The following NOL4 variants were observed in gnomAD, a reference collection of about 807,000 sequenced individuals.
NOL4 encodes nucleolar protein 4, also known as cancer/testis antigen 125.
NOL4 carries 17 observed loss-of-function variants against 75.9 expected under a neutral mutation model. The ratio of observed to expected loss-of-function variants is 0.22; its 90% CI spans 0.15 to 0.34. The LOEUF (loss-of-function observed/expected upper bound fraction) is 0.34. Among genes scored for constraint, NOL4 ranks in the 10% least tolerant of loss-of-function variants. The pLI is 1.00. For synonymous variants in NOL4, 292 were observed against 289.9 expected, an observed-to-expected ratio of 1.01 and a Z score of -0.07; for missense variants, 614 against 793.5, an observed-to-expected ratio of 0.77 and a Z score of 2.72.
intron 4 of NOL4, among the ~76,000 whole-genome samples, chr18:34,095,647 T>C (rs775902936): frequency 2.0e-5 from 3 of 152,132 alleles, no homozygotes; most frequent in Non-Finnish European, 4.4e-5. Context: ...ATTTAAAGTA[T>C]CTAGAACAAT....
At chr18:33,976,217 C>A (rs966962568) in intron 6 of NOL4, among the ~76,000 whole-genome samples, 5 of 152,134 alleles carry the variant, frequency 3.3e-5, no homozygotes, top group Non-Finnish European at 7.4e-5. Flanking sequence ...GACCGTCTCA[C>A]AGCACACAAG....
chr18:33,981,708 A>G (rs1353471589), intron 6 of NOL4, among the ~76,000 whole-genome samples: 1 of 152,156 alleles, frequency 6.6e-6, no homozygotes, highest in Non-Finnish European at 1.5e-5. Context: ...ATTGAAGGAA[A>G]TAATATAGGT....
chr18:34,130,276 G>A (rs1352878610), intron 1 of NOL4, among the ~76,000 whole-genome samples: 1 of 151,844 alleles, frequency 6.6e-6, no homozygotes, highest in Non-Finnish European at 1.5e-5. Context: ...CATCTTTTAA[G>A]TTTTTATAAT....
At chr18:33,942,845 G>T (rs948566552) in intron 9 of NOL4, among the ~76,000 whole-genome samples, 1 of 151,830 alleles carries the variant, frequency 6.6e-6, no homozygotes, top group African/African-American at 2.4e-5. Flanking sequence ...CGTTAGTTTT[G>T]CTACTGTTCA....
intron 10 of NOL4, among the ~76,000 whole-genome samples, chr18:33,865,419 C>G (rs1259580093): frequency 6.6e-6 from 1 of 151,720 alleles, no homozygotes; most frequent in Non-Finnish European, 1.5e-5. Flanking sequence ...CGATTTTTTT[C>G]CAGTATTTTT....
In NOL4 at chr18:33,879,992, T is replaced by A. The variant is rs148015446; in HGVS notation, c.1723+3252A>T. 1.5e-3 allele frequency among the ~76,000 whole-genome samples: 228 copies of A among 152,240 alleles called. 1 individual carries two copies. Among genetic ancestry groups the A allele is most frequent in the African/African-American group, 5.2e-3 (218 of 41,572 alleles). ...TGAGCTAGTCATGATAGTACCTTTT[T>A]AACCACAGTCTTGTTAAAAAAATTC... On this transcript the variant is annotated intron_variant, in intron 10 of 10. Transcript: ENST00000261592.
At chr18:33,949,459 G>C (rs751985499) in intron 8 of NOL4, among the ~76,000 whole-genome samples, 2 of 152,048 alleles carry the variant, frequency 1.3e-5, no homozygotes, top group African/African-American at 2.4e-5. Context: ...ATTGATCTTG[G>C]GTTGTGAGTT....
intron 5 of NOL4, among the ~76,000 whole-genome samples, chr18:34,052,825 A>G (rs1388211280): frequency 6.6e-6 from 1 of 152,058 alleles, no homozygotes; most frequent in Admixed American, 6.6e-5. Context: ...GAAATCATAT[A>G]ACAAGCATGT....
chr18:33,946,311 A>G (rs373615572), intron 8 of NOL4, among the ~76,000 whole-genome samples: 7 of 151,732 alleles, frequency 4.6e-5, no homozygotes, highest in East Asian at 1.9e-4. Flanking sequence ...TCTAACTCTT[A>G]TTGAGTGCTT....
chr18:34,108,413 T>A (rs1020115259), intron 2 of NOL4, among the ~76,000 whole-genome samples: 23 of 149,720 alleles, frequency 1.5e-4, no homozygotes, highest in African/African-American at 5.4e-4. Context: ...TAAATGAATT[T>A]AAAAAAAAAA....
intron 1 of NOL4, among the ~76,000 whole-genome samples, chr18:34,185,291 G>C (rs1276367918): frequency 6.6e-6 from 1 of 152,102 alleles, no homozygotes; most frequent in Non-Finnish European, 1.5e-5. Flanking sequence ...AGAAATAAAA[G>C]ACCATGGATT....
At chr18:33,931,228 T>C (rs887245488) in intron 9 of NOL4, among the ~76,000 whole-genome samples, 7 of 152,168 alleles carry the variant, frequency 4.6e-5, no homozygotes, top group African/African-American at 1.7e-4. Context: ...TTTAGGATTC[T>C]TAGTCCTCTT....
chr18:33,890,626 T>G (rs1228398094), intron 9 of NOL4, among the ~76,000 whole-genome samples: 1 of 152,072 alleles, frequency 6.6e-6, no homozygotes. Flanking sequence ...AATGAGAACT[T>G]TTTAAAATAC....
chr18:33,921,841 C>T (rs1599874741), intron 9 of NOL4, among the ~76,000 whole-genome samples: 1 of 152,182 alleles, frequency 6.6e-6, no homozygotes, highest in African/African-American at 2.4e-5. Context: ...CATCGGCTTT[C>T]CAGCATTCAT....
chr18:34,088,413 C>T (rs940773681), intron 5 of NOL4, among the ~76,000 whole-genome samples: 1 of 152,042 alleles, frequency 6.6e-6, no homozygotes, highest in Admixed American at 6.6e-5. Flanking sequence ...ATCTGAGATT[C>T]AAACACAGAA....
chr18:34,141,991 A>T (rs1439703137), intron 1 of NOL4, among the ~76,000 whole-genome samples: 1 of 152,186 alleles, frequency 6.6e-6, no homozygotes, highest in South Asian at 2.1e-4. Flanking sequence ...TACAAAAAAA[A>T]CAAACAACCC....
chr18:34,037,285 GA>G lies in NOL4; in HGVS notation c.773-17685del, dbSNP rs550629413. 3.4e-4 allele frequency among the ~76,000 whole-genome samples: 51 copies of G among 152,078 alleles called. 1 individual carries two copies. The South Asian group carries it at 5.8e-3, about 17-fold the overall frequency. On this transcript the variant is annotated intron_variant, in intron 5 of 10. Transcript: ENST00000261592. The stretch of plus-strand genomic sequence containing the variant: ...TAACACAGGAGGACACAAACAAATA[GA>G]AAGATATCCCATGCTCATGAAAAGG...
At chr18:34,170,484 G>A (rs902166187) in intron 1 of NOL4, among the ~76,000 whole-genome samples, 16 of 152,114 alleles carry the variant, frequency 1.1e-4, no homozygotes, top group Admixed American at 2.6e-4. Context: ...GAGCCACCAC[G>A]CCCGGATGAT....
chr18:33,914,330 A>G (rs913125716), intron 9 of NOL4, among the ~76,000 whole-genome samples: 1 of 152,112 alleles, frequency 6.6e-6, no homozygotes, highest in African/African-American at 2.4e-5. Flanking sequence ...TCAAAACACT[A>G]CAAGGAAGTC....
Sources: allele counts gnomAD v4.1 joint callset (sites outside exome capture counted in the v4.1 genomes callset), GRCh38; gene constraint gnomAD v4.1.1; transcripts MANE v1.5; gene names NCBI Gene and HGNC (gene_info 2026-07-23, HGNC 2026-07-21).